NBR1: variants seen among roughly 807,000 people sequenced by gnomAD.
The protein encoded by NBR1 is next to BRCA1 gene 1 protein.
In NBR1, 59 loss-of-function variants were observed where a neutral mutation model predicts 115.5. That is an observed-to-expected ratio of 0.51 (90% CI 0.41 to 0.63). The LOEUF (loss-of-function observed/expected upper bound fraction) is 0.63. Among genes scored for constraint, NBR1 ranks in the 30% least tolerant of loss-of-function variants. The probability of loss-of-function intolerance (pLI) is 0.00; values close to 1 mark genes in which losing one functional copy is unlikely to be tolerated. For missense variants in NBR1, 1,043 were observed against 1,150.5 expected (o/e 0.91, Z 1.35); for synonymous variants, 373 against 414.7 (o/e 0.90, Z 1.22).
At chr17:43,175,491 GTTTCC>G (rs2056488715) in intron 1 of NBR1, among the ~76,000 whole-genome samples, 2 of 152,178 alleles carry the variant, frequency 1.3e-5, no homozygotes, top group Admixed American at 6.5e-5. Flanking sequence ...GCATACTTCT[GTTTCC>G]ACATGTTTCC....
intron 5 of NBR1, among the ~76,000 whole-genome samples, chr17:43,182,079 T>C (rs1203556630): frequency 1.3e-5 from 2 of 151,618 alleles, no homozygotes. Context: ...AGCCTTGAAC[T>C]GCTGGGCTCA....
intron 5 of NBR1, among the ~76,000 whole-genome samples, chr17:43,183,735 C>T (rs2056731292): frequency 6.6e-6 from 1 of 152,130 alleles, no homozygotes; most frequent in South Asian, 2.1e-4. Flanking sequence ...TCTCAGCTCA[C>T]TGCAGCCTCC....
chr17:43,198,919 T>C (rs2057130049), intron 16 of NBR1, among the ~76,000 whole-genome samples: 1 of 151,990 alleles, frequency 6.6e-6, no homozygotes, highest in African/African-American at 2.4e-5. Context: ...GCTGAGATCA[T>C]GCTACTGCAC....
Sources: allele counts gnomAD v4.1 joint callset (sites outside exome capture counted in the v4.1 genomes callset), GRCh38; gene constraint gnomAD v4.1.1; transcripts MANE v1.5; gene names NCBI Gene and HGNC (gene_info 2026-07-23, HGNC 2026-07-21).